ASIC2: variants seen among roughly 807,000 people sequenced by gnomAD.
ASIC2 encodes the protein acid sensing ion channel subunit 2.
A neutral mutation model predicts 57.3 loss-of-function variants in ASIC2; 25 were observed. The ratio of observed to expected loss-of-function variants is 0.44; its 90% CI spans 0.32 to 0.61. ASIC2 has a LOEUF of 0.61. Ranked by LOEUF, ASIC2 falls within the 20% of genes least tolerant of loss-of-function variation. The probability of loss-of-function intolerance (pLI) is 0.06; values close to 1 mark genes in which losing one functional copy is unlikely to be tolerated. For missense variants in ASIC2, 641 were observed against 738.1 expected (o/e 0.87, Z 1.52); for synonymous variants, 319 against 307.5 (o/e 1.04, Z -0.39).
Position 33,561,506 on chromosome 17 carries a change from G to A in ASIC2, c.556-449439C>T, listed in dbSNP as rs142886448. Among the ~76,000 whole-genome samples, 43 of 152,274 alleles carry A rather than the reference G, an allele frequency of 2.8e-4. 1 individual carries two copies. Among genetic ancestry groups the A allele is most frequent in the African/African-American group, 9.9e-4 (41 of 41,556 alleles). ...TTCAGGAAGGCAAATAATTAGCTTC[G>A]GTGATAGAAACAGAAGACTGAACAG... On this transcript the variant is annotated intron_variant, in intron 1 of 9. Transcript: ENST00000359872.
intron 1 of ASIC2, among the ~76,000 whole-genome samples, chr17:33,172,835 G>A (rs538883368): frequency 5.1e-4 from 77 of 152,288 alleles, no homozygotes; most frequent in African/African-American, 1.8e-3. Context: ...GTGAGGTTGG[G>A]TCGTTTCAAC....
At position 33,234,487 on chromosome 17, in the gene ASIC2, A is replaced by C. The variant is rs1322709273; in HGVS notation, c.708+56921T>G. Reference sequence around the variant, plus strand: ...CAGAGTGGCCCTCTTCTCTGCCCACAGGCACTCATCTCCTTCATCTCCAGG... The same window carrying C: ...CAGAGTGGCCCTCTTCTCTGCCCACCGGCACTCATCTCCTTCATCTCCAGG... On this transcript the variant is annotated intron_variant, in intron 1 of 9. Transcript: ENST00000225823. Among the ~76,000 whole-genome samples, 4 of 152,174 alleles carry C rather than the reference A, an allele frequency of 2.6e-5. No individual in the cohort carries two copies. The South Asian group carries it at 6.2e-4, about 24-fold the overall frequency.
rs958212087 is a variant in ASIC2 at position 33,371,821 on chromosome 17, G to A, written c.556-259754C>T. 2.6e-5 allele frequency among the ~76,000 whole-genome samples: 4 copies of A among 152,266 alleles called. No homozygotes were observed. The East Asian group carries it at 5.8e-4, about 22-fold the overall frequency. ...TAATCCTTAGAGATTGTTCTTTAGG[G>A]CTCTGAGAAGATTGGCTCCAGAGCC... On this transcript the variant is annotated intron_variant, in intron 1 of 9. Transcript: ENST00000359872.
At chr17:33,456,671 C>G (rs58631684) in intron 1 of ASIC2, among the ~76,000 whole-genome samples, 3,219 of 152,120 alleles carry the variant, frequency 0.021, 53 homozygotes, top group African/African-American at 0.05. Flanking sequence ...GAGTAAGGAG[C>G]GTTTGTTGTG....
intron 1 of ASIC2, among the ~76,000 whole-genome samples, chr17:33,331,063 T>A (rs1217170545): frequency 6.6e-6 from 1 of 152,026 alleles, no homozygotes; most frequent in Non-Finnish European, 1.5e-5. Context: ...ACCATCTAGC[T>A]CCACCTCCTG....
chr17:33,397,730 G>C (rs1363573268), intron 1 of ASIC2, among the ~76,000 whole-genome samples: 1 of 152,172 alleles, frequency 6.6e-6, no homozygotes, highest in African/African-American at 2.4e-5. Flanking sequence ...ATCAGCAAAA[G>C]GTCAGTGCAA....
intron 3 of ASIC2, among the ~76,000 whole-genome samples, chr17:33,041,601 G>A (rs542742827): frequency 6.6e-6 from 1 of 152,214 alleles, no homozygotes; most frequent in Non-Finnish European, 1.5e-5. Flanking sequence ...CCAGAACTCG[G>A]GTTCTAACCA....
chr17:33,890,725 G>A (rs1352124805), intron 1 of ASIC2, among the ~76,000 whole-genome samples: 1 of 152,204 alleles, frequency 6.6e-6, no homozygotes, highest in African/African-American at 2.4e-5. Context: ...TTCTCACTAA[G>A]CCCTCTTCTC....
chr17:33,625,125 C>CTG, intron 1 of ASIC2, among the ~76,000 whole-genome samples: 1 of 144,362 alleles, frequency 6.9e-6, no homozygotes, highest in Admixed American at 7.0e-5. Flanking sequence ...AATGTGGCCT[C>CTG]TCTGTCTATC....
At chr17:33,064,668 T>C (rs1330259309) in intron 3 of ASIC2, among the ~76,000 whole-genome samples, 1 of 152,216 alleles carries the variant, frequency 6.6e-6, no homozygotes, top group Non-Finnish European at 1.5e-5. Context: ...GCAGTCTGTC[T>C]GTTCTCAGAT....
In ASIC2 at chr17:34,065,854, C is replaced by A. The variant is rs147453394; in HGVS notation, c.555+90124G>T. Among the ~76,000 whole-genome samples the A allele has an allele frequency of 5.3e-3, 803 of 152,308 alleles. 10 individuals are homozygous for A. The highest frequency in any genetic ancestry group is 0.018 in the African/African-American group (766 of 41,566). On this transcript the variant is annotated intron_variant, in intron 1 of 9. Coordinates refer to the ASIC2 transcript ENST00000359872. The stretch of plus-strand genomic sequence containing the variant: ...CTTGGTTTGACTCTGAAAGGCCTTT[C>A]TCCCAAGTGGTAAAAATAATGCTTA...
At chr17:33,594,689 G>C (rs1257066200) in intron 1 of ASIC2, among the ~76,000 whole-genome samples, 1 of 152,038 alleles carries the variant, frequency 6.6e-6, no homozygotes, top group Non-Finnish European at 1.5e-5. Context: ...TTAGCCAGGC[G>C]TGCTGGCGGG....
chr17:33,205,428 T>C (rs191117961), intron 1 of ASIC2, among the ~76,000 whole-genome samples: 96 of 152,374 alleles, frequency 6.3e-4, no homozygotes, highest in Middle Eastern at 6.8e-3. Context: ...CAAAGCCCTG[T>C]ACATATATAT....
intron 1 of ASIC2, among the ~76,000 whole-genome samples, chr17:33,124,166 T>C (rs1220650248): frequency 6.6e-6 from 1 of 152,228 alleles, no homozygotes; most frequent in African/African-American, 2.4e-5. Flanking sequence ...ATTTCAGCTT[T>C]TCCAGGAACT....
chr17:33,850,693 G>T (rs62057915), intron 1 of ASIC2, among the ~76,000 whole-genome samples: 11,180 of 152,214 alleles, frequency 0.073, 536 homozygotes, highest in Admixed American at 0.11. Context: ...ATCGTTGCTT[G>T]CTACTTCTGA....
rs1033720047 is a variant in ASIC2, at chr17:33,513,269, T to C, written c.556-401202A>G. On this transcript the variant is annotated intron_variant, in intron 1 of 9. Coordinates refer to the ASIC2 transcript ENST00000359872. ...TGTTTTGCATTTATTTTATGATTCTTTATCTAATTTCTTAGGTTGACTACT... is the reference window on the plus strand; with the variant it reads ...TGTTTTGCATTTATTTTATGATTCTCTATCTAATTTCTTAGGTTGACTACT... Among the ~76,000 whole-genome samples the C allele has an allele frequency of 3.9e-5, 6 of 152,364 alleles. No individual in the cohort carries two copies. The South Asian group carries it at 6.2e-4, about 16-fold the overall frequency.
At chr17:33,913,855 G>A (rs572854854) in intron 1 of ASIC2, among the ~76,000 whole-genome samples, 16 of 152,284 alleles carry the variant, frequency 1.1e-4, no homozygotes, top group African/African-American at 3.4e-4. Context: ...TGTGCCACTC[G>A]ACTAAGTGTT....
intron 1 of ASIC2, among the ~76,000 whole-genome samples, chr17:33,912,697 G>A (rs1180879463): frequency 7.7e-6 from 1 of 129,250 alleles, no homozygotes; most frequent in Non-Finnish European, 1.7e-5. Context: ...TTATAGACTA[G>A]GGCCGGGTGA....
chr17:33,314,791 C>T (rs922822524), intron 1 of ASIC2, among the ~76,000 whole-genome samples: 20 of 152,190 alleles, frequency 1.3e-4, no homozygotes, highest in African/African-American at 4.8e-4. Flanking sequence ...GCTTTGAAAG[C>T]ACTTACTTTA....
Sources: allele counts gnomAD v4.1 joint callset (sites outside exome capture counted in the v4.1 genomes callset), GRCh38; gene constraint gnomAD v4.1.1; transcripts MANE v1.5; gene names NCBI Gene and HGNC (gene_info 2026-07-23, HGNC 2026-07-21).